Variants in NDUFAF7 observed in about 807,000 individuals in gnomAD.
NDUFAF7 encodes NADH:ubiquinone oxidoreductase complex assembly factor 7.
In NDUFAF7, 48 loss-of-function variants were observed where a neutral mutation model predicts 47.2. The observed-to-expected ratio is 1.02, with a 90% confidence interval of 0.81 to 1.29. NDUFAF7 has a LOEUF of 1.29. NDUFAF7 is among the 50% of genes most tolerant of loss of function. NDUFAF7 has a pLI of 0.00. For synonymous variants in NDUFAF7, 217 were observed against 190.0 expected, an observed-to-expected ratio of 1.14 and a Z score of -1.17; for missense variants, 635 against 537.6, an observed-to-expected ratio of 1.18 and a Z score of -1.79.
At chr2:37,263,846 T>A in the NDUFAF7 span, among the ~76,000 whole-genome samples, 4 of 152,224 alleles carry the variant, frequency 2.6e-5, no homozygotes, top group Non-Finnish European at 5.9e-5. Flanking sequence ...ATCTTTTTTT[T>A]AAAGTATGCT....
chr2:37,263,685 T>G, the NDUFAF7 span, among the ~76,000 whole-genome samples: 1 of 152,180 alleles, frequency 6.6e-6, no homozygotes, highest in South Asian at 2.1e-4. Flanking sequence ...GCTTTTTGTT[T>G]GGAGAAGGGA....
chr2:37,237,790 G>A lies in NDUFAF7; in HGVS notation c.331G>A (p.Ala111Thr). 1 of 1,613,584 alleles carries A rather than the reference G, an allele frequency of 6.2e-7. No individual in the cohort carries two copies. Among genetic ancestry groups the A allele is most frequent in the Middle Eastern group, 1.7e-4 (1 of 6,060 alleles). ...TATATGGTTCATTAGTGAATGGATG[G>A]CCACTGGAAAAAGCACAGCTTTCCA... is the stretch of plus-strand genomic sequence containing the variant. ...LGIWFISEWMATGKSTAFQLV... is the reference protein window; with the variant it reads ...LGIWFISEWMTTGKSTAFQLV... Residue 111 changes from alanine to threonine, a missense_variant, in exon 4 of 10, where the codon GCC becomes ACC. Ala to Thr is a moderately conservative substitution (Grantham distance 58). Transcript: ENST00000002125.
the NDUFAF7 span, among the ~76,000 whole-genome samples, chr2:37,267,081 T>A: frequency 6.6e-6 from 1 of 152,162 alleles, no homozygotes; most frequent in Non-Finnish European, 1.5e-5. Context: ...AAAAGGTACA[T>A]AATTTTAAAG....
intron 6 of NDUFAF7, among the ~76,000 whole-genome samples, chr2:37,243,259 T>G (rs374467594): frequency 6.6e-6 from 1 of 152,168 alleles, no homozygotes; most frequent in African/African-American, 2.4e-5. Flanking sequence ...AAGACCAGCC[T>G]GGCCAACATG....
chr2:37,253,469 C>G, downstream of NDUFAF7: 1 of 780,476 alleles, frequency 1.3e-6, no homozygotes, highest in Non-Finnish European at 2.0e-6. Context: ...TTGACAGGCG[C>G]TACTCATAAG....
At chr2:37,241,554 T>G (rs1357691697) in intron 4 of NDUFAF7, 24 bp from the exon 5 acceptor site, 2 of 1,577,106 alleles carry the variant, frequency 1.3e-6, no homozygotes, top group South Asian at 1.1e-5. Flanking sequence ...ACATTGTATT[T>G]TTTTTTCTTC....
the NDUFAF7 span, among the ~76,000 whole-genome samples, chr2:37,262,260 T>G: frequency 2.0e-5 from 3 of 152,184 alleles, no homozygotes; most frequent in Non-Finnish European, 4.4e-5. Flanking sequence ...GAAGCCTTAA[T>G]TTTAGCCCAC....
chr2:37,254,147 A>C, downstream of NDUFAF7: 1 of 1,317,644 alleles, frequency 7.6e-7, no homozygotes, highest in South Asian at 1.2e-5. Flanking sequence ...AGGTGGGACA[A>C]ATCAGAGTGA....
intron 2 of NDUFAF7, among the ~76,000 whole-genome samples, chr2:37,235,160 A>G (rs1473994055): frequency 6.6e-6 from 1 of 151,982 alleles, no homozygotes; most frequent in East Asian, 1.9e-4. Context: ...GCATTTGAGC[A>G]GATTCGGAGG....
downstream of NDUFAF7, chr2:37,250,360 A>G (rs982423782): frequency 6.6e-6 from 1 of 152,182 alleles, no homozygotes; most frequent in African/African-American, 2.4e-5. Context: ...GCAATGCCTT[A>G]TATCTTAACA....
At chr2:37,236,752 G>C (rs1270922896) in intron 3 of NDUFAF7, among the ~76,000 whole-genome samples, 1 of 150,144 alleles carries the variant, frequency 6.7e-6, no homozygotes, top group Non-Finnish European at 1.5e-5. Flanking sequence ...CTGCACTCCA[G>C]CCTCGGCGAC....
chr2:37,255,102 G>A (rs533914619), downstream of NDUFAF7, among the ~76,000 whole-genome samples: 5 of 152,332 alleles, frequency 3.3e-5, no homozygotes, highest in Admixed American at 1.3e-4. Context: ...CTAGCAAAGT[G>A]ATTCTGATAG....
the NDUFAF7 span, among the ~76,000 whole-genome samples, chr2:37,265,380 G>A: frequency 3.3e-5 from 5 of 152,262 alleles, no homozygotes; most frequent in South Asian, 6.2e-4. Context: ...CTTTTAAGAA[G>A]TGTATTTCCT....
At position 37,232,510 on chromosome 2, in the gene NDUFAF7, T is replaced by C. The variant is rs111785393; in HGVS notation, c.216+244T>C. 9.8e-3 allele frequency among the ~76,000 whole-genome samples: 1,492 copies of C among 152,252 alleles called. 25 individuals are homozygous for C. Among genetic ancestry groups the C allele is most frequent in the African/African-American group, 0.032 (1,347 of 41,546 alleles). Reference sequence around the variant, plus strand: ...TGTTTAGGAGACAGAATGTAGCTGATTGGATTTATGATGCGGGAAGGATGA... The same window carrying C: ...TGTTTAGGAGACAGAATGTAGCTGACTGGATTTATGATGCGGGAAGGATGA... On this transcript the variant is annotated intron_variant, in intron 2 of 9. Coordinates refer to ENST00000002125, the MANE Select transcript of NDUFAF7 (RefSeq NM_144736.5).
At chr2:37,232,737 G>GACATGTGCTGGGTTTTCTC (rs1665300208) in intron 2 of NDUFAF7, among the ~76,000 whole-genome samples, 2 of 152,206 alleles carry the variant, frequency 1.3e-5, no homozygotes, top group Admixed American at 1.3e-4. Context: ...TGGCATTGGA[G>GACATGTGCTGGGTTTTCTC]ACATGTGCTG....
intron 7 of NDUFAF7, among the ~76,000 whole-genome samples, chr2:37,245,071 A>G (rs1024132517): frequency 6.6e-6 from 1 of 152,260 alleles, no homozygotes; most frequent in African/African-American, 2.4e-5. Flanking sequence ...GTTAAGCCAC[A>G]GTAATTTGAT....
chr2:37,255,901 C>T (rs1333298250), downstream of NDUFAF7, among the ~76,000 whole-genome samples: 1 of 152,034 alleles, frequency 6.6e-6, no homozygotes, highest in Non-Finnish European at 1.5e-5. Flanking sequence ...ATCATCCCAC[C>T]TAGTCAGGAG....
In NDUFAF7 at chr2:37,248,410, C is replaced by G. The variant is rs1273289764; in HGVS notation, c.*60C>G. ...CCAAGAAATCAAAATAAAGGAAACA[C>G]ATTTCATATACTGCAGGTAACAAAA... On this transcript the variant is annotated 3_prime_UTR_variant, in exon 10 of 10. Coordinates refer to ENST00000002125, the MANE Select transcript of NDUFAF7 (RefSeq NM_144736.5). 6.8e-7 allele frequency: 1 copy of G among 1,471,774 alleles called. No homozygotes were observed. The highest frequency in any genetic ancestry group is 9.5e-7 in the Non-Finnish European group (1 of 1,051,240). The allele number at this position is 1,471,774 out of a possible 1,614,324, so 91.2% of individuals were successfully genotyped here.
In NDUFAF7 at chr2:37,241,792, G is replaced by A; in HGVS notation, c.622+1G>A. ...CGAGATCTGCACGATGTTCCAAAAG[G>A]TAATTACCTTTATGTGGATTAATGA... On this transcript the variant is annotated splice_donor_variant, in intron 5 of 9. Coordinates refer to ENST00000002125, the MANE Select transcript of NDUFAF7 (RefSeq NM_144736.5). LOFTEE classifies it high-confidence loss of function. The A allele has an allele frequency of 6.2e-7, 1 of 1,612,218 alleles. No individual in the cohort carries two copies. Among genetic ancestry groups the A allele is most frequent in the African/African-American group, 1.3e-5 (1 of 75,024 alleles).
Sources: gnomAD v4.1 joint callset for allele counts (sites outside exome capture counted in the v4.1 genomes callset) on GRCh38, gnomAD v4.1.1 for gene constraint, MANE v1.5 for transcripts, NCBI Gene and HGNC (gene_info 2026-07-23, HGNC 2026-07-21) for gene names.